The following PHACTR1 variants were observed in gnomAD, a reference collection of about 807,000 sequenced individuals.
PHACTR1 encodes phosphatase and actin regulator 1.
Under a neutral mutation model 69.2 loss-of-function variants are expected in PHACTR1, and 16 were observed. The observed-to-expected ratio is 0.23, with a 90% CI of 0.16 to 0.35. PHACTR1 has a LOEUF of 0.35. PHACTR1 is among the 10% of genes least tolerant of loss of function. The pLI is 1.00. For missense variants in PHACTR1, 510 were observed against 734.7 expected, an observed-to-expected ratio of 0.69 and a Z score of 3.54; for synonymous variants, 312 against 284.5, an observed-to-expected ratio of 1.10 and a Z score of -0.97.
intron 4 of PHACTR1, among the ~76,000 whole-genome samples, chr6:12,882,203 A>G (rs775205774): frequency 1.3e-5 from 2 of 152,118 alleles, no homozygotes; most frequent in Non-Finnish European, 2.9e-5. Context: ...AGGGTGAAAA[A>G]TAAGATAGTA....
chr6:12,729,506 G>C (rs184180524), intron 3 of PHACTR1, among the ~76,000 whole-genome samples: 1 of 152,132 alleles, frequency 6.6e-6, no homozygotes, highest in Non-Finnish European at 1.5e-5. Flanking sequence ...AGAACTGCAC[G>C]TGTTAGACTC....
chr6:12,917,376 C>A (rs1787131166), intron 4 of PHACTR1, among the ~76,000 whole-genome samples: 1 of 152,146 alleles, frequency 6.6e-6, no homozygotes, highest in African/African-American at 2.4e-5. Flanking sequence ...TTTAGGTTGA[C>A]CCTCAACAGG....
chr6:13,268,225 C>A (rs1300361261), intron 10 of PHACTR1, among the ~76,000 whole-genome samples: 4 of 152,178 alleles, frequency 2.6e-5, no homozygotes, highest in Admixed American at 2.6e-4. Context: ...TGAGATTGTG[C>A]CACTGCACTC....
chr6:13,283,508 G>A lies in PHACTR1; in HGVS notation c.1596G>A (p.Gln532=), dbSNP rs1415515742. The A allele has an allele frequency of 4.3e-6, 7 of 1,613,810 alleles. No individual in the cohort carries two copies. The highest frequency in any genetic ancestry group is 1.1e-5 in the South Asian group (1 of 91,088). Reference sequence around the variant, plus strand: ...ACTACGTGGAGGTGGCTGACGCTCAGGACTATGACCGCAGGGCAGATAAGC... The same window carrying A: ...ACTACGTGGAGGTGGCTGACGCTCAAGACTATGACCGCAGGGCAGATAAGC... ...FSDYVEVADA[Q]DYDRRADKPW... Residue 532 remains glutamine (Q), a synonymous_variant, in exon 13 of 15, where the codon CAG becomes CAA. Coordinates refer to ENST00000332995, the MANE Select transcript of PHACTR1 (RefSeq NM_030948.6). The surrounding 1 kb of genome is among the most constrained non-coding windows in gnomAD (Gnocchi z 4.7).
chr6:13,129,683 G>C (rs1353778838), intron 5 of PHACTR1, among the ~76,000 whole-genome samples: 1 of 152,036 alleles, frequency 6.6e-6, no homozygotes, highest in African/African-American at 2.4e-5. Flanking sequence ...TAAGAAATGA[G>C]TTAGACAGCA....
chr6:13,130,088 AAAAATTCT>A (rs1820174686), intron 5 of PHACTR1, among the ~76,000 whole-genome samples: 1 of 152,190 alleles, frequency 6.6e-6, no homozygotes, highest in Non-Finnish European at 1.5e-5. Flanking sequence ...ATGGAAATTT[AAAAATTCT>A]TTGAGCTGAA....
chr6:13,106,540 G>T (rs572114731), intron 5 of PHACTR1, among the ~76,000 whole-genome samples: 1 of 152,164 alleles, frequency 6.6e-6, no homozygotes, highest in East Asian at 1.9e-4. Context: ...GTGCAATGGT[G>T]CAATCATAGC....
Position 12,891,121 on chromosome 6 carries a change from T to A in PHACTR1, c.250+141331T>A, listed in dbSNP as rs183214335. 3.9e-5 allele frequency among the ~76,000 whole-genome samples: 6 copies of A among 152,304 alleles called. No homozygotes were observed. In the East Asian group the frequency reaches 1.2e-3, roughly 29 times the overall value. ...CTTGCATTTCAAATGAAAGTTAAAT[T>A]TTTTTTCTCATTCATCATGTTTGAG... On this transcript the variant is annotated intron_variant, in intron 4 of 14. Transcript: ENST00000332995.
At chr6:13,011,717 C>T (rs1799471769) in intron 4 of PHACTR1, among the ~76,000 whole-genome samples, 1 of 152,152 alleles carries the variant, frequency 6.6e-6, no homozygotes, top group Non-Finnish European at 1.5e-5. Context: ...AAAAGGCATG[C>T]AATTTAAAAT....
intron 5 of PHACTR1, among the ~76,000 whole-genome samples, chr6:13,065,922 G>A (rs1246112192): frequency 1.3e-5 from 2 of 151,258 alleles, no homozygotes. Context: ...TTCCCTTTGG[G>A]TGAATGATTG....
At chr6:13,273,794 C>A (rs924414497) in intron 11 of PHACTR1, 1 of 152,264 alleles carries the variant, frequency 6.6e-6, no homozygotes, top group Non-Finnish European at 1.5e-5. Context: ...ACCCTGTTCC[C>A]CCTACCCCAC....
At chr6:13,280,187 A>G (rs1779837885) in intron 12 of PHACTR1, 1 of 152,236 alleles carries the variant, frequency 6.6e-6, no homozygotes, top group East Asian at 1.9e-4. Flanking sequence ...AGGTGACACT[A>G]GGGATGGGGA....
At chr6:13,166,433 T>C (rs1173933490) in intron 6 of PHACTR1, among the ~76,000 whole-genome samples, 1 of 152,150 alleles carries the variant, frequency 6.6e-6, no homozygotes, top group African/African-American at 2.4e-5. Context: ...CAAGTGTCTA[T>C]AGCAGTGCCT....
intron 4 of PHACTR1, among the ~76,000 whole-genome samples, chr6:13,027,238 GTTGGGGTTTTTTCTTTC>G (rs1801823109): frequency 6.6e-6 from 1 of 152,176 alleles, no homozygotes; most frequent in Non-Finnish European, 1.5e-5. Context: ...GTCACTATTT[GTTGGGGTTTTTTCTTTC>G]TTTGTCCTGC....
At chr6:12,907,403 C>G (rs900446880) in intron 4 of PHACTR1, among the ~76,000 whole-genome samples, 1 of 152,324 alleles carries the variant, frequency 6.6e-6, no homozygotes, top group African/African-American at 2.4e-5. Context: ...CTATATAAGA[C>G]TTCTATGAAT....
intron 4 of PHACTR1, among the ~76,000 whole-genome samples, chr6:12,911,103 C>T (rs1374803996): frequency 6.6e-6 from 1 of 152,196 alleles, no homozygotes; most frequent in African/African-American, 2.4e-5. Context: ...TCCCCTACAA[C>T]ACTTAACAAA....
At chr6:13,270,583 G>A (rs1777501721) in intron 10 of PHACTR1, among the ~76,000 whole-genome samples, 1 of 152,118 alleles carries the variant, frequency 6.6e-6, no homozygotes, top group South Asian at 2.1e-4. Context: ...GATAGGAACT[G>A]GGTCAAAGAT....
intron 7 of PHACTR1, among the ~76,000 whole-genome samples, chr6:13,194,186 C>T (rs552593410): frequency 6.6e-5 from 10 of 152,228 alleles, no homozygotes; most frequent in African/African-American, 9.6e-5. Context: ...GGGCAGATCA[C>T]GAGGTCAAGA....
intron 4 of PHACTR1, among the ~76,000 whole-genome samples, chr6:12,883,406 G>A (rs1291480604): frequency 6.6e-6 from 1 of 151,982 alleles, no homozygotes; most frequent in Non-Finnish European, 1.5e-5. Context: ...GCAGAGAGAG[G>A]GTTTTGCCAT....
Sources: gnomAD v4.1 joint callset for allele counts (sites outside exome capture counted in the v4.1 genomes callset) on GRCh38, gnomAD v4.1.1 for gene constraint, Gnocchi (gnomAD v3.1) non-coding constraint, MANE v1.5 for transcripts, NCBI Gene and HGNC (gene_info 2026-07-23, HGNC 2026-07-21) for gene names.